The following PTPRM variants were observed in gnomAD, a reference collection of about 807,000 sequenced individuals.
PTPRM encodes protein tyrosine phosphatase receptor type M.
PTPRM carries 47 observed loss-of-function variants against 186.7 expected under a neutral mutation model. The observed-to-expected ratio is 0.25, with a 90% CI of 0.20 to 0.32. The LOEUF (loss-of-function observed/expected upper bound fraction) is 0.32, where lower values mean the gene tolerates loss of function less well. Among genes scored for constraint, PTPRM ranks in the 10% least tolerant of loss-of-function variants. The pLI is 1.00. For missense variants in PTPRM, 1,494 were observed against 1,865.0 expected (o/e 0.80, Z 3.66); for synonymous variants, 668 against 674.9 (o/e 0.99, Z 0.16).
chr18:7,726,049 A>G (rs140416771), intron 1 of PTPRM, among the ~76,000 whole-genome samples: 190 of 152,188 alleles, frequency 1.2e-3, no homozygotes, highest in Non-Finnish European at 2.4e-3. Context: ...GCTCCTCCCC[A>G]AAAGCGCTCG....
chr18:8,197,499 C>T (rs982522997), intron 14 of PTPRM, among the ~76,000 whole-genome samples: 3 of 152,188 alleles, frequency 2.0e-5, no homozygotes, highest in African/African-American at 7.2e-5. Flanking sequence ...CATTTCCATT[C>T]ACAGGACAAG....
chr18:8,343,761 T>A (rs1387864249), intron 23 of PTPRM, among the ~76,000 whole-genome samples: 2 of 152,232 alleles, frequency 1.3e-5, no homozygotes, highest in Non-Finnish European at 2.9e-5. Context: ...GCAGTTGTTA[T>A]CGGGCCATAT....
At chr18:7,840,223 TAAG>T (rs2046257586) in intron 2 of PTPRM, among the ~76,000 whole-genome samples, 1 of 152,126 alleles carries the variant, frequency 6.6e-6, no homozygotes, top group Admixed American at 6.5e-5. Flanking sequence ...TTTTGGTTCG[TAAG>T]AAGGTGCTTT....
At chr18:7,673,244 T>G (rs1162140957) in intron 1 of PTPRM, among the ~76,000 whole-genome samples, 1 of 152,202 alleles carries the variant, frequency 6.6e-6, no homozygotes, top group Non-Finnish European at 1.5e-5. Flanking sequence ...GGCAGGCAAG[T>G]TCATAGAATA....
At chr18:7,797,391 A>G (rs113278957) in intron 2 of PTPRM, among the ~76,000 whole-genome samples, 14 of 152,230 alleles carry the variant, frequency 9.2e-5, no homozygotes, top group African/African-American at 2.9e-4. Context: ...ATTGCATTTG[A>G]TGTGCCCATA....
chr18:7,890,702 A>G (rs1319685852), intron 3 of PTPRM, among the ~76,000 whole-genome samples: 2 of 152,206 alleles, frequency 1.3e-5, no homozygotes, highest in Non-Finnish European at 2.9e-5. Flanking sequence ...AGTGATTGCA[A>G]ATAATTAACT....
intron 1 of PTPRM, among the ~76,000 whole-genome samples, chr18:7,575,613 C>T (rs181910150): frequency 9.2e-5 from 14 of 152,238 alleles, no homozygotes; most frequent in Non-Finnish European, 8.8e-5. Context: ...AGTGGTAAAA[C>T]TGGAAGAAGT....
At chr18:7,836,381 T>C (rs1388245404) in intron 2 of PTPRM, among the ~76,000 whole-genome samples, 2 of 152,142 alleles carry the variant, frequency 1.3e-5, no homozygotes, top group African/African-American at 4.8e-5. Context: ...CGAATAATGC[T>C]CTGTGCCTCT....
chr18:8,282,568 G>A (rs146599218), intron 19 of PTPRM, among the ~76,000 whole-genome samples: 2,013 of 152,070 alleles, frequency 0.013, 21 homozygotes, highest in African/African-American at 0.031. Flanking sequence ...AGGCTGAGGC[G>A]GGAGAAACGC....
intron 5 of PTPRM, among the ~76,000 whole-genome samples, chr18:7,927,001 T>C (rs1184831660): frequency 6.9e-6 from 1 of 144,052 alleles, no homozygotes; most frequent in Non-Finnish European, 1.5e-5. Flanking sequence ...GAGAAAAATC[T>C]AAAGAGTCTC....
At chr18:7,762,164 A>T (rs1051845801) in intron 1 of PTPRM, among the ~76,000 whole-genome samples, 1 of 152,146 alleles carries the variant, frequency 6.6e-6, no homozygotes, top group Admixed American at 6.5e-5. Flanking sequence ...CTGCAGTATG[A>T]TAAGGACATC....
chr18:7,636,105 C>G (rs1430559260), intron 1 of PTPRM, among the ~76,000 whole-genome samples: 2 of 152,096 alleles, frequency 1.3e-5, no homozygotes, highest in Admixed American at 1.3e-4. Context: ...AAAGTATTTG[C>G]TTGGGTGCTT....
intron 19 of PTPRM, among the ~76,000 whole-genome samples, chr18:8,266,255 A>G (rs1260402882): frequency 1.3e-5 from 2 of 151,402 alleles, no homozygotes; most frequent in East Asian, 2.0e-4. Context: ...GATGTCTCTA[A>G]TCCCTACTCA....
chr18:7,772,645 AGGCT>A (rs963176077), intron 1 of PTPRM, among the ~76,000 whole-genome samples: 3 of 151,960 alleles, frequency 2.0e-5, no homozygotes, highest in Non-Finnish European at 4.4e-5. Flanking sequence ...ATCTATTCAG[AGGCT>A]GGCTGGCTGG....
chr18:8,322,498 A>C (rs1477668530), intron 22 of PTPRM, among the ~76,000 whole-genome samples: 1 of 152,210 alleles, frequency 6.6e-6, no homozygotes, highest in East Asian at 1.9e-4. Flanking sequence ...ACCAGACATT[A>C]GTGCAACAGT....
At chr18:8,383,296 CAAAAAAAAAAAAAAAAAAAAA>C (rs59442781) in intron 29 of PTPRM, among the ~76,000 whole-genome samples, 9 of 30,434 alleles carry the variant, frequency 3.0e-4, no homozygotes, top group Admixed American at 6.4e-4. Context: ...GCTTCTGCCT[CAAAAAAAAAAAAAAAAAAAAA>C]AAAAAAAAAA....
At chr18:8,004,376 GA>G (rs1415246878) in intron 7 of PTPRM, among the ~76,000 whole-genome samples, 1 of 151,516 alleles carries the variant, frequency 6.6e-6, no homozygotes, top group Non-Finnish European at 1.5e-5. Context: ...GAATTGCGTA[GA>G]AAAATTACTC....
chr18:7,855,103 C>T (rs1026365359), intron 2 of PTPRM, among the ~76,000 whole-genome samples: 3 of 152,096 alleles, frequency 2.0e-5, no homozygotes, highest in African/African-American at 7.2e-5. Flanking sequence ...GTGACTCATG[C>T]TATAATGTAG....
In PTPRM at chr18:8,380,301, T is replaced by C; in HGVS notation, c.3792T>C (p.Tyr1264=). 6.2e-7 allele frequency: 1 copy of C among 1,613,760 alleles called. No homozygotes were observed. The highest frequency in any genetic ancestry group is 8.5e-7 in the Non-Finnish European group (1 of 1,179,608). ...NYINAALMDS[Y]KQPSAFIVTQ... The stretch of plus-strand genomic sequence containing the variant: ...ATTCTTGTTTGTGTTTGCAGAGCTA[T>C]AAACAGCCTTCAGCTTTTATAGTCA... Residue 1264 remains tyrosine (Y), a synonymous_variant, in exon 29 of 33, where the codon TAT becomes TAC. Transcript: ENST00000580170.
Sources: gnomAD v4.1 joint callset for allele counts (sites outside exome capture counted in the v4.1 genomes callset) on GRCh38, gnomAD v4.1.1 for gene constraint, MANE v1.5 for transcripts, NCBI Gene and HGNC (gene_info 2026-07-23, HGNC 2026-07-21) for gene names.